Variants in CDCA2 observed in about 807,000 individuals in gnomAD.
The protein encoded by CDCA2 is cell division cycle-associated protein 2.
Under a neutral mutation model 67.0 loss-of-function variants are expected in CDCA2, and 44 were observed. The ratio of observed to expected loss-of-function variants is 0.66; its 90% confidence interval spans 0.52 to 0.84. The LOEUF (loss-of-function observed/expected upper bound fraction) is 0.84. Ranked by LOEUF, CDCA2 falls within the 40% of genes least tolerant of loss-of-function variation. The pLI is 0.00. For missense variants in CDCA2, 1,253 were observed against 1,203.2 expected (o/e 1.04, Z -0.61); for synonymous variants, 447 against 418.7 (o/e 1.07, Z -0.82).
At chr8:25,467,146 T>G (rs1404048171) in intron 5 of CDCA2, among the ~76,000 whole-genome samples, 2 of 151,500 alleles carry the variant, frequency 1.3e-5, no homozygotes, top group African/African-American at 4.8e-5. Flanking sequence ...ATTTGGTTGT[T>G]TTTTCAGTCT....
intron 13 of CDCA2, 80 bp downstream of exon 13, chr8:25,488,769 C>A: frequency 3.0e-6 from 4 of 1,329,768 alleles, no homozygotes; most frequent in Admixed American, 3.2e-5. Context: ...TATAGAAACA[C>A]ATTTTTTTCC....
Position 25,484,048 on chromosome 8 carries a change from G to A in CDCA2, c.1203G>A (p.Pro401=), listed in dbSNP as rs757555028. ...TTACTTTTGGAGAGGACTTAAGCCC[G>A]GAAGTGTTTGATGAATCTTTGCCAG... ...KRVTFGEDLS[P]EVFDESLPAN... is the part of the protein sequence containing the mutation. Residue 401 remains proline (P), a synonymous_variant, in exon 10 of 15, where the codon CCG becomes CCA. Transcript: ENST00000330560. 2.3e-5 allele frequency: 37 copies of A among 1,614,038 alleles called. No homozygotes were observed. The highest frequency in any genetic ancestry group is 2.8e-5 in the Non-Finnish European group (33 of 1,180,028).
intron 7 of CDCA2, among the ~76,000 whole-genome samples, chr8:25,477,470 T>C (rs1421655181): frequency 6.6e-6 from 1 of 152,168 alleles, no homozygotes; most frequent in Non-Finnish European, 1.5e-5. Flanking sequence ...ACTTTTTGAG[T>C]GCAAACATGA....
At chr8:25,482,369 A>G (rs377195982) in intron 8 of CDCA2, among the ~76,000 whole-genome samples, 2 of 152,172 alleles carry the variant, frequency 1.3e-5, no homozygotes, top group East Asian at 1.9e-4. Context: ...CAGTTCTTCT[A>G]TCTGGGATCA....
chr8:25,506,741 C>T lies in CDCA2; in HGVS notation c.2075C>T (p.Pro692Leu). Residue 692 changes from proline to leucine, a missense_variant, in exon 15 of 15, where the codon CCA (proline) becomes CTA (leucine). Physicochemically the swap from Pro to Leu is moderately conservative, Grantham distance 98 (BLOSUM62 -3). Coordinates refer to ENST00000330560, the MANE Select transcript of CDCA2 (RefSeq NM_152562.4). ...AACATTAATGAAAATAAAAATATTC[C>T]AAAAGCAAAAAATAAGTCAGAAAGT... is the stretch of plus-strand genomic sequence containing the variant. ...IMNINENKNI[P>L]KAKNKSESEN... 6.2e-7 allele frequency: 1 copy of T among 1,611,746 alleles called. No individual in the cohort carries two copies. Among genetic ancestry groups the T allele is most frequent in the Admixed American group, 1.7e-5 (1 of 59,438 alleles).
Position 25,462,061 on chromosome 8 carries a change from A to G in CDCA2, c.240A>G (p.Ser80=). Residue 80 remains serine, a synonymous_variant, in exon 4 of 15, where the codon TCA becomes TCG. Transcript: ENST00000330560. The part of the protein sequence containing the change: ...ESFVRNSAGK[S]SSYLKKCRRR... ...AAGAGAGTTTCATTACAGGAAAGTC[A>G]TCATCCTACCTTAAAAAATGTAGAC... 2 of 1,613,526 alleles carry G rather than the reference A, an allele frequency of 1.2e-6. No homozygotes were observed. The highest frequency in any genetic ancestry group is 1.3e-5 in the African/African-American group (1 of 75,038).
chr8:25,468,498 A>G (rs1803015532), intron 6 of CDCA2, 85 bp downstream of exon 6: 2 of 1,044,264 alleles, frequency 1.9e-6, no homozygotes, highest in South Asian at 1.5e-5. Flanking sequence ...CCGTTCTTCA[A>G]TTTTAGTACC....
intron 7 of CDCA2, 157 bp from the exon 8 acceptor site, chr8:25,479,756 T>A (rs933467589): frequency 1.5e-6 from 1 of 673,450 alleles, no homozygotes; most frequent in African/African-American, 1.8e-5. Context: ...CTTTTCTGTT[T>A]CCAAATGAAA....
intron 13 of CDCA2, among the ~76,000 whole-genome samples, chr8:25,491,130 G>T (rs1466009548): frequency 6.6e-6 from 1 of 152,100 alleles, no homozygotes; most frequent in Non-Finnish European, 1.5e-5. Flanking sequence ...TTGGACAAAA[G>T]AATTAAAGTT....
In CDCA2 at chr8:25,497,114, C is replaced by T. The variant is rs1005964150; in HGVS notation, c.1672-6259C>T. 3.9e-5 allele frequency among the ~76,000 whole-genome samples: 6 copies of T among 152,196 alleles called. No homozygotes were observed. In the East Asian group the frequency reaches 7.7e-4, roughly 20 times the overall value. The stretch of plus-strand genomic sequence containing the variant: ...TCCCAAGTGCTTTTTTTCCCCTGGT[C>T]TCTGGACTCTAGTTGTTTATGACAC... On this transcript the variant is annotated intron_variant, in intron 13 of 14. Transcript: ENST00000330560.
intron 7 of CDCA2, among the ~76,000 whole-genome samples, chr8:25,476,469 C>T (rs1242220114): frequency 6.6e-6 from 1 of 152,064 alleles, no homozygotes; most frequent in East Asian, 1.9e-4. Context: ...ACCCCTAAGC[C>T]CTCCTGCATC....
intron 4 of CDCA2, 113 bp downstream of exon 4, chr8:25,462,321 T>C: frequency 8.1e-7 from 1 of 1,235,140 alleles, no homozygotes; most frequent in South Asian, 1.4e-5. Context: ...ATTTTCTCTG[T>C]GTTTTAGAGA....
intron 13 of CDCA2, among the ~76,000 whole-genome samples, chr8:25,498,890 A>T (rs1249778285): frequency 2.0e-5 from 3 of 152,190 alleles, no homozygotes; most frequent in African/African-American, 7.2e-5. Flanking sequence ...GTGTATCAGT[A>T]GTTCTTTTTA....
At chr8:25,487,201 GT>G (rs1170897063) in intron 11 of CDCA2, 44 bp from the exon 12 acceptor site, 6 of 1,191,656 alleles carry the variant, frequency 5.0e-6, no homozygotes, top group South Asian at 2.5e-5. Flanking sequence ...GTATGTTATA[GT>G]TTTTGGTTTC....
intron 6 of CDCA2, among the ~76,000 whole-genome samples, 180 bp downstream of exon 6, chr8:25,468,593 A>G (rs991187229): frequency 2.7e-5 from 4 of 147,082 alleles, no homozygotes; most frequent in African/African-American, 7.5e-5. Flanking sequence ...TGTTAATTTT[A>G]TGGTTGCTGG....
At chr8:25,475,362 T>C (rs1803307819) in intron 7 of CDCA2, among the ~76,000 whole-genome samples, 1 of 151,854 alleles carries the variant, frequency 6.6e-6, no homozygotes, top group East Asian at 1.9e-4. Context: ...CTACTAAAAA[T>C]ACAAAAATTA....
intron 13 of CDCA2, 109 bp downstream of exon 13, chr8:25,488,798 A>G: frequency 8.3e-6 from 9 of 1,085,716 alleles, no homozygotes; most frequent in Non-Finnish European, 1.1e-5. Flanking sequence ...TTGGACCAAG[A>G]TTATTAATGC....
At chr8:25,460,131 C>G in intron 1 of CDCA2, 109 bp from the exon 2 acceptor site, 1 of 1,034,540 alleles carries the variant, frequency 9.7e-7, no homozygotes, top group Non-Finnish European at 1.5e-6. Context: ...ACGTGTGTTT[C>G]TATGCCAGTA....
Position 25,480,105 on chromosome 8 carries a change from T to C in CDCA2, c.1013T>C (p.Met338Thr). Residue 338 changes from methionine to threonine, a missense_variant, in exon 8 of 15, where the codon ATG becomes ACG. Met to Thr is a moderately conservative substitution (Grantham distance 81, BLOSUM62 -1). Transcript: ENST00000330560. The stretch of plus-strand genomic sequence containing the variant: ...GTACTGAAGAAACCCTCTGTTAAGA[T>C]GTGTCTAGAGAGCTTACAGGTAAGA... ...RSVLKKPSVK[M>T]CLESLQEHCN... 1 of 1,614,100 alleles carries C rather than the reference T, an allele frequency of 6.2e-7. No individual in the cohort carries two copies. The highest frequency in any genetic ancestry group is 8.5e-7 in the Non-Finnish European group (1 of 1,180,000).
Sources: gnomAD v4.1 joint callset for allele counts (sites outside exome capture counted in the v4.1 genomes callset) on GRCh38, gnomAD v4.1.1 for gene constraint, MANE v1.5 for transcripts, NCBI Gene and HGNC (gene_info 2026-07-23, HGNC 2026-07-21) for gene names.